Variants in ADAMTSL1 observed in about 807,000 individuals in gnomAD.
ADAMTSL1 encodes ADAMTS-like protein 1.
In ADAMTSL1, 126 loss-of-function variants were observed where a neutral mutation model predicts 201.8. That is an observed-to-expected ratio of 0.62 (90% confidence interval 0.54 to 0.72). The LOEUF (loss-of-function observed/expected upper bound fraction) is 0.72. ADAMTSL1 is among the 30% of genes least tolerant of loss of function. The probability of loss-of-function intolerance (pLI) is 0.00; values close to 1 mark genes in which losing one functional copy is unlikely to be tolerated. For missense variants in ADAMTSL1, 2,679 were observed against 2,277.8 expected (o/e 1.18, Z -3.59); for synonymous variants, 1,121 against 903.4 (o/e 1.24, Z -4.32).
chr9:18,746,624 A>G (rs1438358165), intron 15 of ADAMTSL1, among the ~76,000 whole-genome samples: 1 of 152,182 alleles, frequency 6.6e-6, no homozygotes, highest in East Asian at 1.9e-4. Context: ...ATAATAGCTC[A>G]GGGTGGGAAG....
At chr9:18,658,317 A>G (rs1328267097) in intron 8 of ADAMTSL1, among the ~76,000 whole-genome samples, 1 of 152,236 alleles carries the variant, frequency 6.6e-6, no homozygotes, top group Non-Finnish European at 1.5e-5. Context: ...GTAGAAGGCC[A>G]GAGCTAGAAA....
At chr9:18,092,973 G>A (rs780374808) in intron 1 of ADAMTSL1, among the ~76,000 whole-genome samples, 4 of 152,064 alleles carry the variant, frequency 2.6e-5, no homozygotes, top group African/African-American at 9.7e-5. Flanking sequence ...GGGAAAATTG[G>A]GGCTCAATCG....
At chr9:18,762,543 GTTA>G (rs1285472752) in intron 16 of ADAMTSL1, among the ~76,000 whole-genome samples, 1 of 151,916 alleles carries the variant, frequency 6.6e-6, no homozygotes, top group African/African-American at 2.4e-5. Flanking sequence ...TTAATCTACA[GTTA>G]TTATTGACTA....
intron 2 of ADAMTSL1, among the ~76,000 whole-genome samples, chr9:18,201,149 A>C (rs1199529091): frequency 6.6e-6 from 1 of 152,088 alleles, no homozygotes; most frequent in Non-Finnish European, 1.5e-5. Context: ...CAGTTTATCA[A>C]ACAGTGTTTT....
intron 20 of ADAMTSL1, among the ~76,000 whole-genome samples, chr9:18,804,259 T>A (rs1459600678): frequency 2.0e-5 from 3 of 152,198 alleles, no homozygotes; most frequent in African/African-American, 7.2e-5. Context: ...GGCAAAGAAG[T>A]AGTACAGCTT....
chr9:17,937,663 G>A (rs550938010), intron 1 of ADAMTSL1, among the ~76,000 whole-genome samples: 116 of 10,394 alleles, frequency 0.011, 1 homozygote, highest in African/African-American at 0.019. Flanking sequence ...CTAAGACAGT[G>A]AGGTTAGTTG....
chr9:18,466,281 C>T (rs1821002327), intron 2 of ADAMTSL1, among the ~76,000 whole-genome samples: 1 of 152,062 alleles, frequency 6.6e-6, no homozygotes, highest in Admixed American at 6.5e-5. Context: ...CATATTTTTC[C>T]CTCAGGACAC....
intron 1 of ADAMTSL1, among the ~76,000 whole-genome samples, chr9:17,912,955 T>C (rs1225483950): frequency 6.6e-6 from 1 of 152,168 alleles, no homozygotes; most frequent in African/African-American, 2.4e-5. Flanking sequence ...CCTTTCCCCA[T>C]TGCTTGTTTT....
intron 2 of ADAMTSL1, among the ~76,000 whole-genome samples, chr9:18,377,342 A>G (rs979651443): frequency 3.9e-5 from 6 of 152,214 alleles, no homozygotes; most frequent in Non-Finnish European, 8.8e-5. Context: ...AGTGAATATT[A>G]TATTTTGTTT....
Position 18,441,161 on chromosome 9 carries a change from T to C in ADAMTSL1, c.208-63668T>C, listed in dbSNP as rs544726752. Among the ~76,000 whole-genome samples the C allele has an allele frequency of 3.3e-5, 5 of 150,690 alleles. No homozygotes were observed. In the South Asian group the frequency reaches 1.1e-3, roughly 32 times the overall value. ...AAGTAGATTAGTAGCTATCAGGGGCTGGGAGTGGGGAGAGGAATGGGGTTT... is the reference window on the plus strand; with the variant it reads ...AAGTAGATTAGTAGCTATCAGGGGCCGGGAGTGGGGAGAGGAATGGGGTTT... On this transcript the variant is annotated intron_variant, in intron 2 of 29. Coordinates refer to the ADAMTSL1 transcript ENST00000680146.
intron 1 of ADAMTSL1, among the ~76,000 whole-genome samples, chr9:18,137,064 A>G (rs1587134558): frequency 6.6e-6 from 1 of 152,268 alleles, no homozygotes. Context: ...AAATGATGAC[A>G]GATCAGATGA....
intron 2 of ADAMTSL1, among the ~76,000 whole-genome samples, chr9:18,428,518 G>A (rs1186819856): frequency 6.6e-6 from 1 of 152,044 alleles, no homozygotes; most frequent in Non-Finnish European, 1.5e-5. Flanking sequence ...TACTCAGGAG[G>A]CTGAGATGGG....
At chr9:18,571,183 A>G (rs1422809037) in intron 3 of ADAMTSL1, among the ~76,000 whole-genome samples, 1 of 152,212 alleles carries the variant, frequency 6.6e-6, no homozygotes, top group Non-Finnish European at 1.5e-5. Flanking sequence ...ATATTGCATT[A>G]TCAATTTAAA....
chr9:18,774,350 T>C (rs77402466), intron 17 of ADAMTSL1, among the ~76,000 whole-genome samples: 1 of 152,262 alleles, frequency 6.6e-6, no homozygotes, highest in East Asian at 1.9e-4. Context: ...CTCCTGACAC[T>C]TAGAACTTGA....
chr9:18,890,508 T>TAGGACTTTCATACAATACTTAG (rs746501075), intron 25 of ADAMTSL1: 46 of 456,038 alleles, frequency 1.0e-4, no homozygotes, highest in South Asian at 7.0e-4. Context: ...TACCTATCTG[T>TAGGACTTTCATACAATACTTAG]AGGACTTTCA....
intron 3 of ADAMTSL1, among the ~76,000 whole-genome samples, chr9:18,549,149 A>C (rs1820645225): frequency 6.6e-6 from 1 of 152,022 alleles, no homozygotes; most frequent in Non-Finnish European, 1.5e-5. Context: ...AAATAAAAAT[A>C]CATAACCAGA....
intron 1 of ADAMTSL1, among the ~76,000 whole-genome samples, chr9:17,983,609 T>C (rs2131472659): frequency 6.6e-6 from 1 of 152,354 alleles, no homozygotes; most frequent in Non-Finnish European, 1.5e-5. Context: ...TGACTAGCCT[T>C]GTGATTTCAA....
At position 18,451,757 on chromosome 9, in the gene ADAMTSL1, A is replaced by T. The variant is rs140041352; in HGVS notation, c.208-53072A>T. 1.4e-3 allele frequency among the ~76,000 whole-genome samples: 210 copies of T among 152,362 alleles called. 2 individuals are homozygous for T. The highest frequency in any genetic ancestry group is 4.7e-3 in the African/African-American group (197 of 41,588). On this transcript the variant is annotated intron_variant, in intron 2 of 29. Coordinates refer to the ADAMTSL1 transcript ENST00000680146. ...TTACTATAACAGAATACTACAGGCTACGTAATTTACAAAGAAGAGAGATTT... is the reference window on the plus strand; with the variant it reads ...TTACTATAACAGAATACTACAGGCTTCGTAATTTACAAAGAAGAGAGATTT...
intron 23 of ADAMTSL1, among the ~76,000 whole-genome samples, chr9:18,832,049 A>G (rs942593088): frequency 3.3e-5 from 5 of 152,228 alleles, no homozygotes; most frequent in Non-Finnish European, 5.9e-5. Flanking sequence ...GTCTGTTCAG[A>G]AACAACTGTA....
Sources: gnomAD v4.1 joint callset for allele counts (sites outside exome capture counted in the v4.1 genomes callset) on GRCh38, gnomAD v4.1.1 for gene constraint, MANE v1.5 for transcripts, NCBI Gene and HGNC (gene_info 2026-07-23, HGNC 2026-07-21) for gene names.